The following USP34 variants were observed in gnomAD, a reference collection of about 807,000 sequenced individuals.
USP34 encodes the protein ubiquitin specific peptidase 34, also known as ubiquitin carboxyl-terminal hydrolase 34.
In USP34, 70 loss-of-function variants were observed where a neutral mutation model predicts 460.3. That is an observed-to-expected ratio of 0.15 (90% CI 0.13 to 0.19). The LOEUF (loss-of-function observed/expected upper bound fraction) is 0.19. USP34 is among the 10% of genes least tolerant of loss of function. The pLI, the probability that USP34 is intolerant of heterozygous loss-of-function variation, is 1.00. For synonymous variants in USP34, 1,647 were observed against 1,405.3 expected (o/e 1.17, Z -3.85); for missense variants, 3,985 against 4,236.2 (o/e 0.94, Z 1.65).
chr2:61,355,837 C>T (rs1051567690), intron 10 of USP34, among the ~76,000 whole-genome samples: 6 of 152,106 alleles, frequency 3.9e-5, no homozygotes, highest in African/African-American at 1.2e-4. Flanking sequence ...TTTTTTAAAA[C>T]TTGATCCAAT....
intron 76 of USP34, among the ~76,000 whole-genome samples, chr2:61,192,353 T>G (rs1686668618): frequency 6.6e-6 from 1 of 152,230 alleles, no homozygotes; most frequent in Non-Finnish European, 1.5e-5. Flanking sequence ...CAAGCATTAT[T>G]TATGCAGCCA....
chr2:61,406,003 G>C lies in USP34; in HGVS notation c.257C>G (p.Thr86Ser), dbSNP rs776492280. Residue 86 changes from threonine (T) to serine (S), a missense_variant, in exon 3 of 80, where the codon ACT (threonine) becomes AGT (serine). Physicochemically the swap from Thr to Ser is moderately conservative, Grantham distance 58 (BLOSUM62 1). Transcript: ENST00000398571. ...VLRDQLCKHC[T>S]TINIDSTWQD... Reference sequence around the variant, plus strand: ...CCACGTGGAATCTATGTTAATGGTAGTACAATGTTTACAAAGCTGGTCCCG... The same window carrying C: ...CCACGTGGAATCTATGTTAATGGTACTACAATGTTTACAAAGCTGGTCCCG... 13 of 1,613,448 alleles carry C rather than the reference G, an allele frequency of 8.1e-6. No homozygotes were observed. Among genetic ancestry groups the C allele is most frequent in the Non-Finnish European group, 6.8e-6 (8 of 1,179,974 alleles).
At chr2:61,336,381 C>T (rs1433196360) in intron 18 of USP34, among the ~76,000 whole-genome samples, 1 of 151,954 alleles carries the variant, frequency 6.6e-6, no homozygotes, top group Non-Finnish European at 1.5e-5. Flanking sequence ...CCATCTCACC[C>T]TCTCAAAGTG....
intron 27 of USP34, among the ~76,000 whole-genome samples, chr2:61,305,596 G>T (rs1474508757): frequency 6.6e-6 from 1 of 151,972 alleles, no homozygotes; most frequent in Non-Finnish European, 1.5e-5. Flanking sequence ...AAAAGGTTAA[G>T]GAGAGAAGAA....
In USP34 at chr2:61,436,981, T is replaced by C. The variant is rs114591494; in HGVS notation, c.44-16148A>G. Among the ~76,000 whole-genome samples, 250 of 152,316 alleles carry C rather than the reference T, an allele frequency of 1.6e-3. 1 individual carries two copies. Among genetic ancestry groups the C allele is most frequent in the African/African-American group, 5.9e-3 (246 of 41,578 alleles). On this transcript the variant is annotated intron_variant, in intron 1 of 79. Transcript: ENST00000398571. ...AGGTATTAAGATGGAAATAAAATAATGTCTTGAAACAAATGAAAATGCAAA... is the reference window on the plus strand; with the variant it reads ...AGGTATTAAGATGGAAATAAAATAACGTCTTGAAACAAATGAAAATGCAAA...
intron 27 of USP34, 150 bp downstream of exon 27, chr2:61,311,390 A>G (rs1347199580): frequency 2.3e-6 from 2 of 875,428 alleles, no homozygotes; most frequent in Non-Finnish European, 3.3e-6. Flanking sequence ...TTACAGCAAC[A>G]CAAGACAAAC....
At chr2:61,442,406 CA>C (rs70963430) in intron 1 of USP34, among the ~76,000 whole-genome samples, 1,260 of 121,370 alleles carry the variant, frequency 0.01, 9 homozygotes, top group African/African-American at 0.029. Flanking sequence ...ATCTTAACAG[CA>C]AAAAAAAAAA....
chr2:61,295,096 A>G, intron 31 of USP34, 64 bp from the exon 32 acceptor site: 3 of 1,599,258 alleles, frequency 1.9e-6, no homozygotes, highest in Non-Finnish European at 2.6e-6. Flanking sequence ...AGAATGGAAA[A>G]GACAATACAT....
At chr2:61,332,067 A>G (rs1691283670) in intron 19 of USP34, among the ~76,000 whole-genome samples, 1 of 152,072 alleles carries the variant, frequency 6.6e-6, no homozygotes, top group Non-Finnish European at 1.5e-5. Context: ...TTCACTAAAT[A>G]AAGGTCAAGT....
intron 23 of USP34, among the ~76,000 whole-genome samples, 171 bp downstream of exon 23, chr2:61,317,483 C>CTGT: frequency 6.6e-6 from 1 of 152,198 alleles, no homozygotes; most frequent in East Asian, 1.9e-4. Context: ...GCTGAGATCA[C>CTGT]ACCACTGCAC....
chr2:61,416,024 AT>A (rs1178605702), intron 2 of USP34, among the ~76,000 whole-genome samples: 1 of 152,226 alleles, frequency 6.6e-6, no homozygotes, highest in Non-Finnish European at 1.5e-5. Flanking sequence ...AGCAACAAAT[AT>A]TCCAGTGGGT....
At chr2:61,285,658 G>A (rs1000102245) in intron 34 of USP34, among the ~76,000 whole-genome samples, 1 of 152,016 alleles carries the variant, frequency 6.6e-6, no homozygotes, top group African/African-American at 2.4e-5. Flanking sequence ...AGGGGTTGGT[G>A]AATAATTAAA....
intron 41 of USP34, among the ~76,000 whole-genome samples, chr2:61,268,076 T>C (rs1441426229): frequency 6.6e-6 from 1 of 152,068 alleles, no homozygotes; most frequent in Non-Finnish European, 1.5e-5. Context: ...TTATAAGCCT[T>C]TCACAGAAAG....
intron 1 of USP34, among the ~76,000 whole-genome samples, chr2:61,454,870 C>CTT (rs935894179): frequency 5.5e-5 from 2 of 36,294 alleles, no homozygotes; most frequent in Admixed American, 2.9e-4. Context: ...TTTTTTTTTT[C>CTT]TTTTTTTTTT....
In USP34 at chr2:61,372,670, T is replaced by TG. The variant is rs575560197; in HGVS notation, c.1077-2092dup. 3.9e-5 allele frequency among the ~76,000 whole-genome samples: 6 copies of TG among 152,294 alleles called. No individual in the cohort carries two copies. In the South Asian group the frequency reaches 1.2e-3, roughly 32 times the overall value. ...CTGTAGTAAGGCATAATCGTGCTGT[T>TG]GCTGCACTCCAGCTTGGGCAACAGA... On this transcript the variant is annotated intron_variant, in intron 8 of 79. Coordinates refer to ENST00000398571, the MANE Select transcript of USP34 (RefSeq NM_014709.4).
chr2:61,402,273 C>T (rs10193666), intron 3 of USP34, among the ~76,000 whole-genome samples: 57,170 of 151,784 alleles, frequency 0.38, 10,823 homozygotes, highest in Admixed American at 0.41. Flanking sequence ...GAGCAAGACC[C>T]TGTCTCTTAA....
chr2:61,216,382 C>G (rs889619970), intron 67 of USP34, among the ~76,000 whole-genome samples: 1 of 146,794 alleles, frequency 6.8e-6, no homozygotes, highest in African/African-American at 2.5e-5. Context: ...GGGCGGATCA[C>G]GAGGTCAGGA....
chr2:61,221,640 C>G, intron 65 of USP34, 34 bp from the exon 66 acceptor site: 1 of 1,584,270 alleles, frequency 6.3e-7, no homozygotes, highest in East Asian at 2.2e-5. Context: ...GTATTTAGAT[C>G]AATCTGAACC....
At chr2:61,460,810 C>G (rs561122763) in intron 1 of USP34, among the ~76,000 whole-genome samples, 17 of 152,046 alleles carry the variant, frequency 1.1e-4, no homozygotes, top group African/African-American at 4.1e-4. Context: ...TGGAGAAACT[C>G]TGTCTCTACT....
Sources: gnomAD v4.1 joint callset for allele counts (sites outside exome capture counted in the v4.1 genomes callset) on GRCh38, gnomAD v4.1.1 for gene constraint, MANE v1.5 for transcripts, NCBI Gene and HGNC (gene_info 2026-07-23, HGNC 2026-07-21) for gene names.